ROBO1: variants seen among roughly 807,000 people sequenced by gnomAD.
ROBO1 encodes the protein roundabout guidance receptor 1.
A neutral mutation model predicts 195.9 loss-of-function variants in ROBO1; 149 were observed. The ratio of observed to expected loss-of-function variants is 0.76; its 90% CI spans 0.67 to 0.87. The LOEUF is 0.87. ROBO1 is among the 40% of genes least tolerant of loss of function. The pLI is 0.00. For missense variants in ROBO1, 1,933 were observed against 2,068.3 expected, an observed-to-expected ratio of 0.93 and a Z score of 1.27; for synonymous variants, 816 against 733.2, an observed-to-expected ratio of 1.11 and a Z score of -1.82.
At chr3:78,651,120 T>C (rs1706625910) in intron 19 of ROBO1, among the ~76,000 whole-genome samples, 1 of 152,194 alleles carries the variant, frequency 6.6e-6, no homozygotes, top group South Asian at 2.1e-4. Context: ...AGCTGTCTTT[T>C]TTAAAACTGT....
chr3:79,523,839 T>C (rs1941317685), intron 2 of ROBO1, among the ~76,000 whole-genome samples: 1 of 152,166 alleles, frequency 6.6e-6, no homozygotes, highest in Non-Finnish European at 1.5e-5. Context: ...GATAGAACAC[T>C]GATTTTGTGC....
At chr3:79,550,562 T>C (rs1479105548) in intron 2 of ROBO1, among the ~76,000 whole-genome samples, 1 of 152,232 alleles carries the variant, frequency 6.6e-6, no homozygotes, top group South Asian at 2.1e-4. Flanking sequence ...TTTAATTCTT[T>C]TGGAATACAT....
chr3:79,435,767 G>A (rs539329257), intron 2 of ROBO1, among the ~76,000 whole-genome samples: 1 of 152,288 alleles, frequency 6.6e-6, no homozygotes, highest in African/African-American at 2.4e-5. Flanking sequence ...CAAACTTCCT[G>A]TTGAACTTGT....
intron 2 of ROBO1, among the ~76,000 whole-genome samples, chr3:79,400,175 A>T (rs2037312427): frequency 6.6e-6 from 1 of 152,136 alleles, no homozygotes; most frequent in Non-Finnish European, 1.5e-5. Context: ...AATAAATTCA[A>T]AGCTGTTTGC....
intron 4 of ROBO1, among the ~76,000 whole-genome samples, chr3:78,846,389 G>T (rs2033672741): frequency 6.6e-6 from 1 of 152,020 alleles, no homozygotes; most frequent in Non-Finnish European, 1.5e-5. Flanking sequence ...CAATTAAAAT[G>T]GATGCAAATC....
intron 2 of ROBO1, among the ~76,000 whole-genome samples, chr3:79,217,420 T>A (rs1236274409): frequency 1.3e-5 from 2 of 152,000 alleles, no homozygotes. Flanking sequence ...AGCTTGACAT[T>A]TTAACGTATT....
chr3:79,353,719 C>T (rs1327090583), intron 2 of ROBO1, among the ~76,000 whole-genome samples: 1 of 152,022 alleles, frequency 6.6e-6, no homozygotes, highest in African/African-American at 2.4e-5. Flanking sequence ...GTGGAGGATG[C>T]ACAAGAAGCT....
chr3:79,637,686 A>G (rs1016289081), intron 1 of ROBO1, among the ~76,000 whole-genome samples: 1 of 152,094 alleles, frequency 6.6e-6, no homozygotes, highest in Non-Finnish European at 1.5e-5. Flanking sequence ...TATAAAGAGG[A>G]TGGACTGTGA....
chr3:78,660,502 G>A (rs1707327690), intron 16 of ROBO1: 1 of 152,606 alleles, frequency 6.6e-6, no homozygotes, highest in African/African-American at 2.4e-5. Flanking sequence ...GAAAAATCCT[G>A]TTGTTAGTTA....
At chr3:78,664,934 T>G (rs1303502513) in intron 14 of ROBO1, among the ~76,000 whole-genome samples, 11 of 152,154 alleles carry the variant, frequency 7.2e-5, no homozygotes, top group Admixed American at 5.9e-4. Flanking sequence ...GTGCCTCAAT[T>G]TTACTTCTTC....
chr3:79,283,754 G>A (rs1274983719), intron 2 of ROBO1, among the ~76,000 whole-genome samples: 2 of 149,856 alleles, frequency 1.3e-5, no homozygotes, highest in Non-Finnish European at 3.0e-5. Flanking sequence ...CTGGAGTGCA[G>A]TGGCGCGATC....
intron 2 of ROBO1, among the ~76,000 whole-genome samples, chr3:79,216,621 T>C (rs2082059958): frequency 6.6e-6 from 1 of 151,986 alleles, no homozygotes; most frequent in Admixed American, 6.6e-5. Flanking sequence ...ACATACCATC[T>C]ACACTACAAA....
At chr3:79,716,739 T>C (rs1156533887) in intron 1 of ROBO1, among the ~76,000 whole-genome samples, 4 of 152,030 alleles carry the variant, frequency 2.6e-5, no homozygotes, top group South Asian at 4.2e-4. Context: ...CAGGTGAAAT[T>C]GATAAACCAC....
intron 2 of ROBO1, among the ~76,000 whole-genome samples, chr3:79,581,415 T>C (rs1389432575): frequency 6.6e-6 from 1 of 152,184 alleles, no homozygotes; most frequent in Non-Finnish European, 1.5e-5. Context: ...AATCCTGGTC[T>C]CTACAGCTAG....
chr3:79,766,967 C>T (rs1388237104), intron 1 of ROBO1, among the ~76,000 whole-genome samples: 1 of 152,010 alleles, frequency 6.6e-6, no homozygotes, highest in Non-Finnish European at 1.5e-5. Context: ...CTCATTCTTC[C>T]TCCTTCCCTC....
At chr3:78,681,189 G>A (rs1326139618) in intron 10 of ROBO1, among the ~76,000 whole-genome samples, 2 of 151,804 alleles carry the variant, frequency 1.3e-5, no homozygotes, top group Non-Finnish European at 2.9e-5. Context: ...GTTGTGGGGT[G>A]GGGGGAGTGG....
At chr3:79,702,884 C>G (rs1167797037) in intron 1 of ROBO1, among the ~76,000 whole-genome samples, 5 of 151,910 alleles carry the variant, frequency 3.3e-5, no homozygotes, top group Non-Finnish European at 5.9e-5. Context: ...TGAGTCTGCT[C>G]TTAATCCTAC....
chr3:78,675,010 T>A (rs1052798466), intron 10 of ROBO1, among the ~76,000 whole-genome samples: 1 of 152,126 alleles, frequency 6.6e-6, no homozygotes, highest in Non-Finnish European at 1.5e-5. Flanking sequence ...ATATTTTAGG[T>A]CATACTAGCT....
chr3:79,049,040 G>T, intron 3 of ROBO1, among the ~76,000 whole-genome samples: 1 of 152,124 alleles, frequency 6.6e-6, no homozygotes, highest in East Asian at 1.9e-4. Flanking sequence ...ACTGGACAGA[G>T]AATCAGTTTG....
Sources: allele counts gnomAD v4.1 joint callset (sites outside exome capture counted in the v4.1 genomes callset), GRCh38; gene constraint gnomAD v4.1.1; transcripts MANE v1.5; gene names NCBI Gene and HGNC (gene_info 2026-07-23, HGNC 2026-07-21).